ABLIM1: variants seen among roughly 807,000 people sequenced by gnomAD.
ABLIM1 encodes the protein actin binding LIM protein 1.
Under a neutral mutation model 107.0 loss-of-function variants are expected in ABLIM1, and 40 were observed. The observed-to-expected ratio is 0.37, with a 90% confidence interval of 0.29 to 0.49. The LOEUF (loss-of-function observed/expected upper bound fraction) is 0.49, where lower values mean the gene tolerates loss of function less well. Among genes scored for constraint, ABLIM1 ranks in the 20% least tolerant of loss-of-function variants. The pLI is 0.97. For missense variants in ABLIM1, 857 were observed against 1,008.5 expected (o/e 0.85, Z 2.04); for synonymous variants, 357 against 357.3 (o/e 1.00, Z 0.01).
At chr10:114,491,012 G>GTGTATATATATATATA in intron 7 of ABLIM1, among the ~76,000 whole-genome samples, 39 of 92,386 alleles carry the variant, frequency 4.2e-4, no homozygotes, top group Non-Finnish European at 5.1e-4. Flanking sequence ...GTGTGTGTGT[G>GTGTATATATATATATA]TATATATATA....
chr10:114,785,548 G>C, the ABLIM1 span, among the ~76,000 whole-genome samples: 152 of 152,088 alleles, frequency 1.0e-3, no homozygotes, highest in Middle Eastern at 3.4e-3. Context: ...ATGGGTAGGG[G>C]GGCATGGGTG....
intron 1 of ABLIM1, among the ~76,000 whole-genome samples, chr10:114,735,882 C>G (rs552467846): frequency 6.6e-6 from 1 of 152,282 alleles, no homozygotes; most frequent in African/African-American, 2.4e-5. Context: ...AGAAATATTA[C>G]AACATAGCAT....
intron 1 of ABLIM1, among the ~76,000 whole-genome samples, chr10:114,669,618 T>A (rs1259937530): frequency 1.3e-5 from 2 of 152,222 alleles, no homozygotes; most frequent in Non-Finnish European, 2.9e-5. Flanking sequence ...AGCCCTGCAA[T>A]AGGTATGAAA....
At chr10:114,478,013 C>T (rs755982716) in intron 8 of ABLIM1, among the ~76,000 whole-genome samples, 117 of 152,326 alleles carry the variant, frequency 7.7e-4, no homozygotes, top group Non-Finnish European at 1.1e-3. Context: ...TGAGCCATAA[C>T]GCCTGGCCTC....
chr10:114,438,969 G>A (rs2059810718), intron 21 of ABLIM1, among the ~76,000 whole-genome samples: 1 of 152,232 alleles, frequency 6.6e-6, no homozygotes, highest in Admixed American at 6.5e-5. Context: ...GCACCTCACT[G>A]TAAACACACA....
At chr10:114,508,502 C>T (rs1050414587) in intron 6 of ABLIM1, among the ~76,000 whole-genome samples, 1 of 152,176 alleles carries the variant, frequency 6.6e-6, no homozygotes, top group African/African-American at 2.4e-5. Context: ...AGCTGGACAC[C>T]AGCCTGGGCA....
rs1421572384 is a variant in ABLIM1, at chr10:114,629,644, C to A, written c.245-27683G>T. 6.6e-6 allele frequency among the ~76,000 whole-genome samples: 1 copy of A among 152,102 alleles called. No individual in the cohort carries two copies. The highest frequency in any genetic ancestry group is 1.5e-5 in the Non-Finnish European group (1 of 68,010). The stretch of plus-strand genomic sequence containing the variant: ...GTCTCTCATCCACTACATGGTGTGA[C>A]GAGACACAGAGAATGAGTACTTTGT... On this transcript the variant is annotated intron_variant, in intron 1 of 22. Transcript: ENST00000533213. The surrounding 1 kb of genome is among the most constrained non-coding windows in gnomAD (Gnocchi z 4.0).
intron 1 of ABLIM1, among the ~76,000 whole-genome samples, chr10:114,667,031 C>T (rs193018868): frequency 7.9e-5 from 12 of 152,256 alleles, no homozygotes; most frequent in African/African-American, 2.9e-4. Context: ...CACGTCTCCA[C>T]CCTCCAGCAA....
chr10:114,562,353 C>G (rs2069852302), intron 4 of ABLIM1, among the ~76,000 whole-genome samples: 1 of 152,106 alleles, frequency 6.6e-6, no homozygotes, highest in African/African-American at 2.4e-5. Flanking sequence ...CACGGTGAAA[C>G]CCCGTCTCTA....
chr10:114,704,547 C>T (rs1485155110), intron 1 of ABLIM1, among the ~76,000 whole-genome samples: 1 of 147,254 alleles, frequency 6.8e-6, no homozygotes, highest in Non-Finnish European at 1.5e-5. Flanking sequence ...TTCAAGCTTT[C>T]CTTAAATTGG....
At chr10:114,786,526 A>C in the ABLIM1 span, among the ~76,000 whole-genome samples, 1 of 152,202 alleles carries the variant, frequency 6.6e-6, no homozygotes, top group Non-Finnish European at 1.5e-5. Context: ...TTATTAATAG[A>C]TGGATTAAAC....
chr10:114,710,322 A>G (rs1279843111), intron 1 of ABLIM1, among the ~76,000 whole-genome samples: 1 of 152,228 alleles, frequency 6.6e-6, no homozygotes, highest in Non-Finnish European at 1.5e-5. Flanking sequence ...AAGAGGTTTA[A>G]TTGACTCACA....
intron 1 of ABLIM1, among the ~76,000 whole-genome samples, chr10:114,746,601 G>A (rs1420833710): frequency 6.6e-6 from 1 of 152,114 alleles, no homozygotes; most frequent in Non-Finnish European, 1.5e-5. Flanking sequence ...GGTTCATATG[G>A]TAATTTTATT....
chr10:114,603,010 T>C (rs1023526637), intron 1 of ABLIM1, among the ~76,000 whole-genome samples: 1 of 152,172 alleles, frequency 6.6e-6, no homozygotes, highest in South Asian at 2.1e-4. Context: ...CCTTTTTTGA[T>C]GTGGGGCCTC....
intron 1 of ABLIM1, among the ~76,000 whole-genome samples, chr10:114,676,457 C>A (rs2080491079): frequency 1.3e-5 from 2 of 151,606 alleles, no homozygotes; most frequent in South Asian, 4.2e-4. Flanking sequence ...AGCCTGGCGA[C>A]AGAGCTAGAC....
intron 6 of ABLIM1, among the ~76,000 whole-genome samples, chr10:114,518,494 A>AACAG (rs977756259): frequency 1.3e-5 from 2 of 151,456 alleles, no homozygotes; most frequent in African/African-American, 4.8e-5. Context: ...TATGTAAATG[A>AACAG]ACAGACGTGG....
intron 2 of ABLIM1, among the ~76,000 whole-genome samples, chr10:114,590,434 C>T (rs753120172): frequency 2.0e-5 from 3 of 152,166 alleles, no homozygotes; most frequent in Non-Finnish European, 4.4e-5. Flanking sequence ...TTGGTCCACA[C>T]TTTATGAACT....
At chr10:114,541,410 A>G (rs2066641859) in intron 6 of ABLIM1, among the ~76,000 whole-genome samples, 1 of 152,140 alleles carries the variant, frequency 6.6e-6, no homozygotes, top group South Asian at 2.1e-4. Context: ...CAAAACCCCA[A>G]GGTTCACAGT....
At chr10:114,497,522 A>G (rs1035393369) in intron 6 of ABLIM1, among the ~76,000 whole-genome samples, 2 of 152,076 alleles carry the variant, frequency 1.3e-5, no homozygotes, top group Admixed American at 6.6e-5. Flanking sequence ...TACTAAAAAA[A>G]ATATTAAATA....
Sources: gnomAD v4.1 joint callset for allele counts (sites outside exome capture counted in the v4.1 genomes callset) on GRCh38, gnomAD v4.1.1 for gene constraint, Gnocchi (gnomAD v3.1) non-coding constraint, MANE v1.5 for transcripts, NCBI Gene and HGNC (gene_info 2026-07-23, HGNC 2026-07-21) for gene names.